ZFAT: variants seen among roughly 807,000 people sequenced by gnomAD.
ZFAT encodes zinc finger protein ZFAT.
In ZFAT, 64 loss-of-function variants were observed where a neutral mutation model predicts 117.7. That is an observed-to-expected ratio of 0.54 (90% CI 0.44 to 0.67). The LOEUF (loss-of-function observed/expected upper bound fraction) is 0.67, where lower values mean the gene tolerates loss of function less well. Ranked by LOEUF, ZFAT falls within the 30% of genes least tolerant of loss-of-function variation. The probability of loss-of-function intolerance (pLI) is 0.00; values close to 1 mark genes in which losing one functional copy is unlikely to be tolerated. For synonymous variants in ZFAT, 679 were observed against 615.0 expected, an observed-to-expected ratio of 1.10 and a Z score of -1.54; for missense variants, 1,433 against 1,584.5, an observed-to-expected ratio of 0.90 and a Z score of 1.62.
At chr8:134,674,413 GA>G (rs1421594014) in intron 1 of ZFAT, among the ~76,000 whole-genome samples, 4 of 152,190 alleles carry the variant, frequency 2.6e-5, no homozygotes, top group Non-Finnish European at 5.9e-5. Context: ...CTTGGTGGGG[GA>G]AGGGGCATCC....
At chr8:134,702,531 A>G (rs1277423307) in intron 1 of ZFAT, among the ~76,000 whole-genome samples, 1 of 152,130 alleles carries the variant, frequency 6.6e-6, no homozygotes, top group Non-Finnish European at 1.5e-5. Context: ...TGACAGTTTC[A>G]TAAGAGGTTT....
At chr8:134,669,901 G>A (rs1401854939) in intron 1 of ZFAT, among the ~76,000 whole-genome samples, 1 of 152,186 alleles carries the variant, frequency 6.6e-6, no homozygotes, top group Non-Finnish European at 1.5e-5. Context: ...TAAAGGGATG[G>A]AGAAAGATCT....
chr8:134,565,445 T>C (rs1192867773), intron 10 of ZFAT, 24 bp from the exon 11 acceptor site: 2 of 1,609,438 alleles, frequency 1.2e-6, no homozygotes, highest in Non-Finnish European at 1.7e-6. Context: ...GAGGACAAGA[T>C]GAGCGTCGCC....
At chr8:134,698,369 G>C (rs1833929306) in intron 1 of ZFAT, among the ~76,000 whole-genome samples, 1 of 151,580 alleles carries the variant, frequency 6.6e-6, no homozygotes. Context: ...GAAGGAGAAG[G>C]AGGCAAGGGA....
At chr8:134,783,431 C>T in the ZFAT span, among the ~76,000 whole-genome samples, 1 of 152,160 alleles carries the variant, frequency 6.6e-6, no homozygotes, top group Non-Finnish European at 1.5e-5. Context: ...AATCTAACGC[C>T]TGATGATCTG....
chr8:134,508,367 C>T (rs1246519063), intron 15 of ZFAT, among the ~76,000 whole-genome samples: 1 of 152,220 alleles, frequency 6.6e-6, no homozygotes, highest in Non-Finnish European at 1.5e-5. Flanking sequence ...TATGTGAGTG[C>T]CTCATTAAGA....
intron 3 of ZFAT, among the ~76,000 whole-genome samples, chr8:134,616,413 C>T (rs900980697): frequency 3.3e-5 from 5 of 152,214 alleles, no homozygotes; most frequent in Non-Finnish European, 5.9e-5. Flanking sequence ...ACTTGACCCA[C>T]CTTTGTACTT....
intron 10 of ZFAT, among the ~76,000 whole-genome samples, chr8:134,572,195 A>C (rs912926137): frequency 1.3e-5 from 2 of 152,258 alleles, no homozygotes; most frequent in Admixed American, 6.5e-5. Context: ...CAAGGCTGTA[A>C]GAATGATATC....
chr8:134,520,864 C>A lies in ZFAT; in HGVS notation c.3234+19G>T, dbSNP rs1820603778. Reference sequence around the variant, plus strand: ...GTGTTTTGAAATGTCAAGATTAATACCATACTTAAAAAAATTACCTCCCAC... The same window carrying A: ...GTGTTTTGAAATGTCAAGATTAATAACATACTTAAAAAAATTACCTCCCAC... On this transcript the variant is annotated intron_variant, in intron 13 of 15. Coordinates refer to ENST00000377838, the MANE Select transcript of ZFAT (RefSeq NM_020863.4). 1 of 1,594,224 alleles carries A rather than the reference C, an allele frequency of 6.3e-7. No homozygotes were observed.
At chr8:134,817,314 A>G in the ZFAT span, among the ~76,000 whole-genome samples, 1 of 151,456 alleles carries the variant, frequency 6.6e-6, no homozygotes, top group Non-Finnish European at 1.5e-5. Context: ...CCTGCCTGCC[A>G]ATTCTATGAA....
At chr8:134,720,025 G>A in the ZFAT span, among the ~76,000 whole-genome samples, 1 of 152,236 alleles carries the variant, frequency 6.6e-6, no homozygotes, top group Non-Finnish European at 1.5e-5. Context: ...AACTTGATAA[G>A]CACTTGGACA....
chr8:134,666,678 A>G (rs1263278683), intron 1 of ZFAT, among the ~76,000 whole-genome samples: 1 of 152,194 alleles, frequency 6.6e-6, no homozygotes, highest in Non-Finnish European at 1.5e-5. Flanking sequence ...CCTTCAAAGG[A>G]TGGGCTCAAA....
chr8:134,562,092 A>G (rs148670254), intron 11 of ZFAT, among the ~76,000 whole-genome samples: 82 of 152,286 alleles, frequency 5.4e-4, no homozygotes, highest in Middle Eastern at 6.8e-3. Context: ...TTAAAGGTAG[A>G]AGAGGAGGCA....
In ZFAT at chr8:134,536,400, C is replaced by T. The variant is rs1329226578; in HGVS notation, c.2977-3428G>A. Among the ~76,000 whole-genome samples, 3 of 152,110 alleles carry T rather than the reference C, an allele frequency of 2.0e-5. No individual in the cohort carries two copies. The East Asian group carries it at 5.8e-4, about 29-fold the overall frequency. ...CAGGGGGAGTTAGGAAGATAAATCT[C>T]CCAGACTCTTTCCTTCATTGGTCTT... is the stretch of plus-strand genomic sequence containing the variant. On this transcript the variant is annotated intron_variant, in intron 11 of 15. Transcript: ENST00000377838.
intron 15 of ZFAT, among the ~76,000 whole-genome samples, chr8:134,508,298 C>T (rs759856291): frequency 6.6e-6 from 1 of 152,204 alleles, no homozygotes; most frequent in African/African-American, 2.4e-5. Context: ...GTGGAGACAG[C>T]GCTGGGATGT....
At chr8:134,669,252 T>C (rs1351646506) in intron 1 of ZFAT, among the ~76,000 whole-genome samples, 2 of 152,052 alleles carry the variant, frequency 1.3e-5, no homozygotes, top group Non-Finnish European at 2.9e-5. Context: ...ATACAGAGAA[T>C]GCCACAAAGA....
intron 10 of ZFAT, among the ~76,000 whole-genome samples, chr8:134,581,489 A>G (rs1485132534): frequency 6.6e-6 from 1 of 152,220 alleles, no homozygotes; most frequent in Non-Finnish European, 1.5e-5. Context: ...CGACGTGACA[A>G]AACTGAGACC....
At chr8:134,761,640 C>T in the ZFAT span, among the ~76,000 whole-genome samples, 1 of 151,658 alleles carries the variant, frequency 6.6e-6, no homozygotes. Flanking sequence ...GTGTAGGTTG[C>T]AGTGAGCCGA....
Position 134,478,510 on chromosome 8 carries a change from G to C in ZFAT, c.3704C>G (p.Ala1235Gly). The change falls in exon 16 of 16, where the codon GCT becomes GGT. Residue 1235 changes from alanine to glycine, a missense_variant. By Grantham distance (60) the Ala-to-Gly change is moderately conservative (BLOSUM62 0). Around this residue, in one of 5 missense-constraint regions of ZFAT, gnomAD observed 503 missense variants for 543.4 expected, o/e 0.93. Coordinates refer to ENST00000377838, the MANE Select transcript of ZFAT (RefSeq NM_020863.4). The surrounding 1 kb of genome is among the most constrained non-coding windows in gnomAD (Gnocchi z 5.2). ...QEAMQPVEEQ[A>G]VEQPAQEL Reference sequence around the variant, plus strand: ...GAGTTCCTGGGCCGGCTGCTCCACAGCCTGCTCCTCCACAGGCTGCATGGC... The same window carrying C: ...GAGTTCCTGGGCCGGCTGCTCCACACCCTGCTCCTCCACAGGCTGCATGGC... The C allele has an allele frequency of 6.3e-7, 1 of 1,581,674 alleles. No homozygotes were observed. Among genetic ancestry groups the C allele is most frequent in the Non-Finnish European group, 8.6e-7 (1 of 1,164,548 alleles).
Sources: gnomAD v4.1 joint callset for allele counts (sites outside exome capture counted in the v4.1 genomes callset) on GRCh38, gnomAD v4.1.1 for gene constraint, gnomAD v4.1.1 regional missense constraint, Gnocchi (gnomAD v3.1) non-coding constraint, MANE v1.5 for transcripts, NCBI Gene and HGNC (gene_info 2026-07-23, HGNC 2026-07-21) for gene names.